Variants in SP6 observed in about 807,000 individuals in gnomAD.
SP6 encodes Sp6 transcription factor.
Under a neutral mutation model 23.4 loss-of-function variants are expected in SP6, and 10 were observed. The ratio of observed to expected loss-of-function variants is 0.43; its 90% CI spans 0.26 to 0.72. SP6 has a LOEUF of 0.72. Among genes scored for constraint, SP6 ranks in the 30% least tolerant of loss-of-function variants. The probability of loss-of-function intolerance (pLI) is 0.23; values close to 1 mark genes in which losing one functional copy is unlikely to be tolerated. For synonymous variants in SP6, 238 were observed against 238.7 expected (o/e 1.00, Z 0.03); for missense variants, 482 against 523.8 (o/e 0.92, Z 0.78).
At chr17:47,860,693 G>A (rs1186686753), upstream of SP6, among the ~76,000 whole-genome samples, 5 of 128,958 alleles carry the variant, frequency 3.9e-5, no homozygotes, top group African/African-American at 8.9e-5. Context: ...GTAAGACTCC[G>A]ACTCTACAAA....
chr17:47,864,136 G>A, the SP6 span, among the ~76,000 whole-genome samples: 3,143 of 148,814 alleles, frequency 0.021, 38 homozygotes, highest in Middle Eastern at 0.042. Context: ...GAGCCACCAC[G>A]CCTGGCCTAC....
At chr17:47,850,150 G>T (rs2033939239) in intron 1 of SP6, among the ~76,000 whole-genome samples, 1 of 152,210 alleles carries the variant, frequency 6.6e-6, no homozygotes. Flanking sequence ...AGCTTTTGGT[G>T]CCTGGGAACT....
the SP6 span, among the ~76,000 whole-genome samples, chr17:47,867,952 C>T: frequency 6.6e-6 from 1 of 152,140 alleles, no homozygotes; most frequent in Non-Finnish European, 1.5e-5. Context: ...TATAGTTCCT[C>T]CCGAACAGAG....
At chr17:47,866,910 G>A in the SP6 span, among the ~76,000 whole-genome samples, 3 of 152,212 alleles carry the variant, frequency 2.0e-5, no homozygotes, top group African/African-American at 4.8e-5. Flanking sequence ...GAGACAGGGA[G>A]GGGGAGGTGA....
In SP6 at chr17:47,847,974, C is replaced by G. The variant is rs1197290832; in HGVS notation, c.456G>C (p.Leu152Phe). ...GCTGGTGGTCTCCGACGTAGCCCCC[C>G]AAGCCCGCCTGAAGCGCCCCCGGGT... is the stretch of plus-strand genomic sequence containing the variant. ...PGHPGALQAG[L>F]GGYVGDHQLC... is the part of the protein sequence containing the mutation. Residue 152 changes from leucine (L) to phenylalanine (F), a missense_variant, in exon 2 of 2, where the codon TTG becomes TTC. This residue lies in a region of SP6 where 330 missense variants were observed against 332.3 expected (regional missense o/e 0.99). Transcript: ENST00000536300. The G allele has an allele frequency of 1.0e-5, 16 of 1,583,774 alleles. No individual in the cohort carries two copies. The highest frequency in any genetic ancestry group is 1.4e-5 in the Non-Finnish European group (16 of 1,164,916).
upstream of SP6, among the ~76,000 whole-genome samples, chr17:47,857,691 T>C (rs1006275701): frequency 6.6e-6 from 1 of 152,160 alleles, no homozygotes; most frequent in Admixed American, 6.5e-5. Flanking sequence ...ACAATGTGTT[T>C]TCCTAACACC....
chr17:47,872,932 A>T, the SP6 span, among the ~76,000 whole-genome samples: 3 of 152,080 alleles, frequency 2.0e-5, no homozygotes, highest in Non-Finnish European at 2.9e-5. Flanking sequence ...GGGGCTGGAG[A>T]GGGCGGAAGG....
At chr17:47,872,361 T>G in the SP6 span, among the ~76,000 whole-genome samples, 1 of 150,744 alleles carries the variant, frequency 6.6e-6, no homozygotes, top group Non-Finnish European at 1.5e-5. Flanking sequence ...CTTGCAGGCG[T>G]GTTGGGGGAA....
At chr17:47,851,204 C>G (rs1433888004), upstream of SP6, 1 of 152,450 alleles carries the variant, frequency 6.6e-6, no homozygotes, top group Non-Finnish European at 1.5e-5. Context: ...CCCCCGGACT[C>G]GCGGCCCCGC....
chr17:47,850,248 G>C (rs1400631233), intron 1 of SP6, among the ~76,000 whole-genome samples: 2 of 152,170 alleles, frequency 1.3e-5, no homozygotes, highest in Non-Finnish European at 2.9e-5. Flanking sequence ...CCCAGGCCTG[G>C]GATGCAATGG....
At chr17:47,859,186 T>G (rs1333477729), upstream of SP6, among the ~76,000 whole-genome samples, 2 of 152,144 alleles carry the variant, frequency 1.3e-5, no homozygotes, top group Admixed American at 1.3e-4. Flanking sequence ...CTACGCAGTC[T>G]TCTCTCCCGC....
the SP6 span, among the ~76,000 whole-genome samples, chr17:47,862,180 T>C: frequency 6.6e-6 from 1 of 151,508 alleles, no homozygotes; most frequent in African/African-American, 2.4e-5. Flanking sequence ...ACTCCATCTC[T>C]ATGAAATACA....
At chr17:47,870,112 T>C in the SP6 span, among the ~76,000 whole-genome samples, 1 of 152,288 alleles carries the variant, frequency 6.6e-6, no homozygotes, top group South Asian at 2.1e-4. Flanking sequence ...AACACATTGA[T>C]ACACCCTATT....
the SP6 span, chr17:47,863,562 T>TTC: frequency 2.3e-5 from 1 of 42,616 alleles, no homozygotes; most frequent in African/African-American, 1.6e-4. Flanking sequence ...ACTGGACTTC[T>TTC]TCTTCTTTTT....
upstream of SP6, among the ~76,000 whole-genome samples, chr17:47,853,719 A>G (rs1166390168): frequency 6.6e-6 from 1 of 152,118 alleles, no homozygotes; most frequent in African/African-American, 2.4e-5. Context: ...ACCTGTAGCC[A>G]TCTGGAATTC....
chr17:47,871,777 CCTGA>C, the SP6 span, among the ~76,000 whole-genome samples: 1 of 152,150 alleles, frequency 6.6e-6, no homozygotes. Context: ...TGCCACCATG[CCTGA>C]CTAATTTTTT....
the SP6 span, among the ~76,000 whole-genome samples, chr17:47,869,518 T>A: frequency 6.6e-6 from 1 of 152,162 alleles, no homozygotes; most frequent in Non-Finnish European, 1.5e-5. Flanking sequence ...AGGGGGATAA[T>A]CCTGATGCAT....
chr17:47,863,738 A>T, the SP6 span, among the ~76,000 whole-genome samples: 1,020 of 98,536 alleles, frequency 0.01, 24 homozygotes, highest in African/African-American at 0.032. Context: ...CTAATTTTGT[A>T]TTTTTTTTTT....
rs1343791243 is a variant in SP6, at chr17:47,848,648, G to A, written c.-57-162C>T. 6.6e-6 allele frequency among the ~76,000 whole-genome samples: 1 copy of A among 152,166 alleles called. No individual in the cohort carries two copies. Among genetic ancestry groups the A allele is most frequent in the Non-Finnish European group, 1.5e-5 (1 of 68,026 alleles). ...TTCGGGAGTGCGAGGAAGGGTCCAA[G>A]ATGTGAGGTTCTCATCCAAGCACAG... On this transcript the variant is annotated intron_variant, in intron 1 of 1. Transcript: ENST00000536300. This position sits in a 1 kb window ranked among gnomAD's most constrained non-coding sequence, Gnocchi z 5.3.
Sources: gnomAD v4.1 joint callset for allele counts (sites outside exome capture counted in the v4.1 genomes callset) on GRCh38, gnomAD v4.1.1 for gene constraint, gnomAD v4.1.1 regional missense constraint, Gnocchi (gnomAD v3.1) non-coding constraint, MANE v1.5 for transcripts, NCBI Gene and HGNC (gene_info 2026-07-23, HGNC 2026-07-21) for gene names.